Variants in HCN1 observed in about 807,000 individuals in gnomAD.
The protein encoded by HCN1 is hyperpolarization activated cyclic nucleotide gated potassium channel 1, also known as potassium/sodium hyperpolarization-activated cyclic nucleotide-gated channel 1.
Under a neutral mutation model 78.9 loss-of-function variants are expected in HCN1, and 13 were observed. The ratio of observed to expected loss-of-function variants is 0.16; its 90% confidence interval spans 0.11 to 0.26. The LOEUF (loss-of-function observed/expected upper bound fraction) is 0.26. Ranked by LOEUF, HCN1 falls within the 10% of genes least tolerant of loss-of-function variation. HCN1 has a pLI of 1.00. For missense variants in HCN1, 810 were observed against 1,154.3 expected, an observed-to-expected ratio of 0.70 and a Z score of 4.32; for synonymous variants, 552 against 455.5, an observed-to-expected ratio of 1.21 and a Z score of -2.70.
At chr5:45,427,206 C>A (rs1021026644) in intron 3 of HCN1, among the ~76,000 whole-genome samples, 2 of 151,878 alleles carry the variant, frequency 1.3e-5, no homozygotes, top group Non-Finnish European at 2.9e-5. Flanking sequence ...TTCTTACAAG[C>A]TGCTTGTTTC....
At chr5:45,665,895 A>T (rs780885383) in intron 1 of HCN1, among the ~76,000 whole-genome samples, 11 of 151,982 alleles carry the variant, frequency 7.2e-5, no homozygotes, top group Non-Finnish European at 1.2e-4. Flanking sequence ...TCTCTCACTA[A>T]TCCTCAACCT....
intron 2 of HCN1, among the ~76,000 whole-genome samples, chr5:45,634,377 C>A (rs969353166): frequency 3.3e-5 from 5 of 151,940 alleles, no homozygotes; most frequent in African/African-American, 4.8e-5. Flanking sequence ...ATAAATTAAT[C>A]ATTCCCAATA....
intron 2 of HCN1, among the ~76,000 whole-genome samples, chr5:45,560,980 C>T (rs1034683163): frequency 3.9e-5 from 6 of 152,070 alleles, no homozygotes; most frequent in Non-Finnish European, 1.5e-5. Flanking sequence ...CTAAACTTTT[C>T]ATATTCAGGA....
intron 5 of HCN1, among the ~76,000 whole-genome samples, chr5:45,306,884 G>T (rs1745745759): frequency 6.6e-6 from 1 of 152,024 alleles, no homozygotes; most frequent in Non-Finnish European, 1.5e-5. Context: ...ACATGGTCCT[G>T]ACCTTAGTAA....
chr5:45,324,248 T>C (rs1341089514), intron 5 of HCN1, among the ~76,000 whole-genome samples: 1 of 151,740 alleles, frequency 6.6e-6, no homozygotes, highest in Non-Finnish European at 1.5e-5. Context: ...ATTTTTGCAA[T>C]CTACTCATCT....
intron 2 of HCN1, among the ~76,000 whole-genome samples, chr5:45,640,315 A>G (rs745718026): frequency 3.9e-5 from 6 of 152,174 alleles, no homozygotes; most frequent in Non-Finnish European, 7.3e-5. Flanking sequence ...TAGCGGATAA[A>G]CATGCTCTGA....
At chr5:45,311,941 G>A (rs988723117) in intron 5 of HCN1, among the ~76,000 whole-genome samples, 1 of 152,220 alleles carries the variant, frequency 6.6e-6, no homozygotes, top group Non-Finnish European at 1.5e-5. Context: ...TATGGGAAAT[G>A]CTGCAAACTA....
intron 2 of HCN1, among the ~76,000 whole-genome samples, chr5:45,610,065 TTAAA>T (rs1579997603): frequency 1.3e-5 from 2 of 152,226 alleles, no homozygotes; most frequent in South Asian, 4.1e-4. Flanking sequence ...TGAACACAGT[TTAAA>T]TAAGGAACTG....
chr5:45,336,105 T>G (rs1365770145), intron 5 of HCN1, among the ~76,000 whole-genome samples: 1 of 151,838 alleles, frequency 6.6e-6, no homozygotes, highest in Non-Finnish European at 1.5e-5. Flanking sequence ...AAGAGCATGT[T>G]AAGTGGATGG....
At chr5:45,492,792 C>T (rs1431556276) in intron 2 of HCN1, among the ~76,000 whole-genome samples, 1 of 152,064 alleles carries the variant, frequency 6.6e-6, no homozygotes, top group Non-Finnish European at 1.5e-5. Context: ...GTGAGTGTTA[C>T]ATTACATTTT....
chr5:45,485,120 T>C (rs1741730203), intron 2 of HCN1, among the ~76,000 whole-genome samples: 1 of 152,184 alleles, frequency 6.6e-6, no homozygotes, highest in Non-Finnish European at 1.5e-5. Context: ...TTATCACTTA[T>C]TACATTTGCT....
intron 2 of HCN1, among the ~76,000 whole-genome samples, chr5:45,533,051 C>G (rs780158101): frequency 6.6e-6 from 1 of 152,138 alleles, no homozygotes; most frequent in African/African-American, 2.4e-5. Flanking sequence ...CAGGGGAATT[C>G]TGACAGCTAA....
At chr5:45,567,616 C>T (rs1445057198) in intron 2 of HCN1, among the ~76,000 whole-genome samples, 1 of 134,554 alleles carries the variant, frequency 7.4e-6, no homozygotes, top group African/African-American at 2.8e-5. Context: ...GAGTTATATA[C>T]AGTTCAAAAA....
intron 4 of HCN1, among the ~76,000 whole-genome samples, chr5:45,368,810 T>C (rs182531791): frequency 6.6e-6 from 1 of 152,204 alleles, no homozygotes; most frequent in Admixed American, 6.6e-5. Context: ...ACCGCTTCTG[T>C]CAGCAAATTT....
intron 3 of HCN1, among the ~76,000 whole-genome samples, chr5:45,431,829 T>A (rs1740469820): frequency 6.6e-6 from 1 of 152,156 alleles, no homozygotes; most frequent in Non-Finnish European, 1.5e-5. Flanking sequence ...CTGTTTTGGT[T>A]ACTGTAGGCT....
intron 2 of HCN1, among the ~76,000 whole-genome samples, chr5:45,515,411 T>C (rs974340672): frequency 6.6e-6 from 1 of 152,028 alleles, no homozygotes; most frequent in African/African-American, 2.4e-5. Context: ...ATTCAACAAT[T>C]GCTTACTGAA....
chr5:45,372,121 A>ATTATATATATT (rs1747397401), intron 4 of HCN1, among the ~76,000 whole-genome samples: 4 of 55,876 alleles, frequency 7.2e-5, no homozygotes, highest in Admixed American at 3.4e-4. Flanking sequence ...ATAATTATAT[A>ATTATATATATT]TTATATATAT....
At position 45,615,483 on chromosome 5, in the gene HCN1, T is replaced by C. The variant is rs140852010; in HGVS notation, c.849+29702A>G. 3.9e-5 allele frequency among the ~76,000 whole-genome samples: 6 copies of C among 152,092 alleles called. No individual in the cohort carries two copies. The East Asian group carries it at 1.2e-3, about 29-fold the overall frequency. Reference sequence around the variant, plus strand: ...ACACACTGAAACTTCATAGAGATGCTAGTGTGGGTACAGAATGTAGTGTTT... The same window carrying C: ...ACACACTGAAACTTCATAGAGATGCCAGTGTGGGTACAGAATGTAGTGTTT... On this transcript the variant is annotated intron_variant, in intron 2 of 7. Transcript: ENST00000303230.
chr5:45,342,373 G>A (rs1440355696), intron 5 of HCN1, among the ~76,000 whole-genome samples: 2 of 150,330 alleles, frequency 1.3e-5, no homozygotes, highest in Non-Finnish European at 3.0e-5. Flanking sequence ...GGGATTACAG[G>A]TGCATGCCAC....
Sources: allele counts gnomAD v4.1 joint callset (sites outside exome capture counted in the v4.1 genomes callset), GRCh38; gene constraint gnomAD v4.1.1; transcripts MANE v1.5; gene names NCBI Gene and HGNC (gene_info 2026-07-23, HGNC 2026-07-21).